KCNIP4: variants seen among roughly 807,000 people sequenced by gnomAD.
KCNIP4 encodes Kv channel-interacting protein 4.
In KCNIP4, 12 loss-of-function variants were observed where a neutral mutation model predicts 34.0. The observed-to-expected ratio is 0.35, with a 90% CI of 0.23 to 0.57. KCNIP4 has a LOEUF of 0.57. KCNIP4 is among the 20% of genes least tolerant of loss of function. KCNIP4 has a pLI of 0.83. For synonymous variants in KCNIP4, 124 were observed against 102.2 expected, an observed-to-expected ratio of 1.21 and a Z score of -1.29; for missense variants, 238 against 311.7, an observed-to-expected ratio of 0.76 and a Z score of 1.78.
chr4:21,295,594 T>C (rs1260228663), intron 1 of KCNIP4, among the ~76,000 whole-genome samples: 1 of 152,102 alleles, frequency 6.6e-6, no homozygotes, highest in East Asian at 1.9e-4. Flanking sequence ...CAGAGTCTCT[T>C]GTATGTGGCG....
At chr4:21,338,350 A>G (rs182889793) in intron 1 of KCNIP4, among the ~76,000 whole-genome samples, 217 of 151,754 alleles carry the variant, frequency 1.4e-3, no homozygotes, top group African/African-American at 5.0e-3. Flanking sequence ...CCCACTGGCT[A>G]TACATTGTGA....
At chr4:21,202,038 C>A (rs1756536421) in intron 1 of KCNIP4, among the ~76,000 whole-genome samples, 1 of 152,130 alleles carries the variant, frequency 6.6e-6, no homozygotes, top group Non-Finnish European at 1.5e-5. Context: ...ATTAGTTCAG[C>A]CCCTGTGGAG....
In KCNIP4 at chr4:21,419,760, T is replaced by C. The variant is rs75062018; in HGVS notation, c.61+528811A>G. On this transcript the variant is annotated intron_variant, in intron 1 of 8. Coordinates refer to ENST00000382152, the MANE Select transcript of KCNIP4 (RefSeq NM_025221.6). ...GCTTTGCTCCCTGCCAAGTCATTGT[T>C]ATAAACAATCCAAGGAGAGAAGGAA... 5.3e-5 allele frequency among the ~76,000 whole-genome samples: 8 copies of C among 152,266 alleles called. No homozygotes were observed. The East Asian group carries it at 1.5e-3, about 29-fold the overall frequency.
At chr4:20,834,613 G>A (rs1718824770) in intron 3 of KCNIP4, among the ~76,000 whole-genome samples, 1 of 152,166 alleles carries the variant, frequency 6.6e-6, no homozygotes, top group Non-Finnish European at 1.5e-5. Flanking sequence ...TTCTCCATGA[G>A]TGATTTAAAG....
chr4:20,973,874 G>A (rs1405412601), intron 1 of KCNIP4, among the ~76,000 whole-genome samples: 1 of 152,238 alleles, frequency 6.6e-6, no homozygotes, highest in Non-Finnish European at 1.5e-5. Context: ...TTACATGGAT[G>A]TAGTTCATGG....
chr4:21,948,442 A>G lies in KCNIP4; in HGVS notation c.61+129T>C. 4.0e-6 allele frequency: 4 copies of G among 1,000,066 alleles called. No homozygotes were observed. In the Admixed American group the frequency reaches 9.4e-5, roughly 24 times the overall value. The allele number at this position is 1,000,066 out of a possible 1,614,324, so 61.9% of individuals were successfully genotyped here. On this transcript the variant is annotated intron_variant, in intron 1 of 8. Coordinates refer to ENST00000382152, the MANE Select transcript of KCNIP4 (RefSeq NM_025221.6). ...CCCACCTCCCCTTCCCAGTCCCGCC[A>G]GGTGACTGTGTCTCATGCAGCGAAG...
chr4:21,254,033 A>T (rs1284680268), intron 1 of KCNIP4, among the ~76,000 whole-genome samples: 3 of 152,228 alleles, frequency 2.0e-5, no homozygotes, highest in Admixed American at 2.0e-4. Flanking sequence ...TGTGATTGCC[A>T]GGGGTAAGGG....
At chr4:21,595,659 T>C (rs1742589518) in intron 1 of KCNIP4, among the ~76,000 whole-genome samples, 1 of 152,078 alleles carries the variant, frequency 6.6e-6, no homozygotes, top group South Asian at 2.1e-4. Flanking sequence ...TCCAGTTTCC[T>C]GACTTTTTAA....
intron 1 of KCNIP4, among the ~76,000 whole-genome samples, chr4:21,239,229 A>C (rs376329209): frequency 0.11 from 13,255 of 115,660 alleles, 1,270 homozygotes; most frequent in South Asian, 0.22. Context: ...TTAATTCAAG[A>C]TGGATTAAAG....
At chr4:21,773,578 G>T (rs1249004657) in intron 1 of KCNIP4, among the ~76,000 whole-genome samples, 3 of 152,028 alleles carry the variant, frequency 2.0e-5, no homozygotes, top group Non-Finnish European at 2.9e-5. Flanking sequence ...CTAAGAACTT[G>T]TTTTATGAAT....
chr4:21,389,715 C>T (rs570582772), intron 1 of KCNIP4, among the ~76,000 whole-genome samples: 4 of 151,790 alleles, frequency 2.6e-5, no homozygotes, highest in Admixed American at 2.0e-4. Flanking sequence ...TGGACATTTG[C>T]GTTGGTTCCA....
At chr4:20,991,107 G>A (rs1215805979) in intron 1 of KCNIP4, among the ~76,000 whole-genome samples, 1 of 152,144 alleles carries the variant, frequency 6.6e-6, no homozygotes, top group Non-Finnish European at 1.5e-5. Flanking sequence ...TGAGGAGCTG[G>A]GACTTGACTT....
chr4:21,333,287 G>T (rs532996293), intron 1 of KCNIP4, among the ~76,000 whole-genome samples: 3 of 151,172 alleles, frequency 2.0e-5, no homozygotes, highest in Non-Finnish European at 3.0e-5. Flanking sequence ...TGCCTCCCTT[G>T]TAAGTCTTTT....
intron 1 of KCNIP4, among the ~76,000 whole-genome samples, chr4:21,125,787 A>G (rs923858416): frequency 2.0e-5 from 3 of 152,176 alleles, no homozygotes; most frequent in African/African-American, 7.2e-5. Flanking sequence ...TCTTATGATT[A>G]AGGGTGAAGT....
chr4:20,814,452 A>G (rs1367489660), intron 3 of KCNIP4, among the ~76,000 whole-genome samples: 1 of 152,164 alleles, frequency 6.6e-6, no homozygotes, highest in Non-Finnish European at 1.5e-5. Flanking sequence ...ATTGCCTTAG[A>G]CCACTTTAAC....
At chr4:21,681,115 A>T (rs1750306775) in intron 1 of KCNIP4, among the ~76,000 whole-genome samples, 3 of 151,924 alleles carry the variant, frequency 2.0e-5, no homozygotes, top group Admixed American at 2.0e-4. Context: ...TTACTTTGTC[A>T]CCCAGGTGGG....
chr4:20,858,052 A>T (rs1387945895), intron 2 of KCNIP4, among the ~76,000 whole-genome samples: 1 of 151,810 alleles, frequency 6.6e-6, no homozygotes, highest in African/African-American at 2.4e-5. Flanking sequence ...TCTACTAAAA[A>T]TACAAAAAAT....
chr4:21,704,970 C>T (rs1423394176), intron 1 of KCNIP4, among the ~76,000 whole-genome samples: 1 of 152,094 alleles, frequency 6.6e-6, no homozygotes, highest in African/African-American at 2.4e-5. Context: ...AACCTAGATG[C>T]CTTTTAATGG....
At chr4:21,358,940 A>G (rs1718938000) in intron 1 of KCNIP4, among the ~76,000 whole-genome samples, 1 of 152,082 alleles carries the variant, frequency 6.6e-6, no homozygotes, top group Non-Finnish European at 1.5e-5. Flanking sequence ...CATCTTATAT[A>G]TGTTGATTAA....
Sources: allele counts gnomAD v4.1 joint callset (sites outside exome capture counted in the v4.1 genomes callset), GRCh38; gene constraint gnomAD v4.1.1; transcripts MANE v1.5; gene names NCBI Gene and HGNC (gene_info 2026-07-23, HGNC 2026-07-21).